Variants in GPC5 observed in about 807,000 individuals in gnomAD.
GPC5 encodes glypican-5.
A neutral mutation model predicts 53.9 loss-of-function variants in GPC5; 47 were observed. That is an observed-to-expected ratio of 0.87 (90% CI 0.69 to 1.11). The LOEUF (loss-of-function observed/expected upper bound fraction) is 1.11. Among genes scored for constraint, GPC5 ranks in the 50% most tolerant of loss-of-function variants. The probability of loss-of-function intolerance (pLI) is 0.00; values close to 1 mark genes in which losing one functional copy is unlikely to be tolerated. For missense variants in GPC5, 748 were observed against 713.1 expected (o/e 1.05, Z -0.56); for synonymous variants, 286 against 263.3 (o/e 1.09, Z -0.84).
chr13:91,685,621 C>T (rs2035605217), intron 2 of GPC5, among the ~76,000 whole-genome samples: 1 of 152,108 alleles, frequency 6.6e-6, no homozygotes, highest in Non-Finnish European at 1.5e-5. Context: ...TTATCTTTTA[C>T]TCTGTAGATT....
chr13:91,428,744 T>G, intron 1 of GPC5, among the ~76,000 whole-genome samples: 1 of 152,094 alleles, frequency 6.6e-6, no homozygotes, highest in East Asian at 1.9e-4. Context: ...TTTTTTTTTT[T>G]GTTAATGTGA....
chr13:92,157,025 C>A (rs1484004979), intron 7 of GPC5, among the ~76,000 whole-genome samples: 1 of 152,042 alleles, frequency 6.6e-6, no homozygotes, highest in Non-Finnish European at 1.5e-5. Context: ...TACAAGCAAG[C>A]CTCTCTGTGC....
intron 2 of GPC5, among the ~76,000 whole-genome samples, chr13:91,652,972 T>C (rs1224111154): frequency 6.6e-6 from 1 of 152,216 alleles, no homozygotes; most frequent in East Asian, 1.9e-4. Context: ...GACGTGCTGA[T>C]CAACGTATAA....
At chr13:91,800,946 T>G (rs1227670852) in intron 5 of GPC5, among the ~76,000 whole-genome samples, 1 of 152,184 alleles carries the variant, frequency 6.6e-6, no homozygotes, top group African/African-American at 2.4e-5. Flanking sequence ...TTTGTTTCTT[T>G]TAATATTTTA....
intron 6 of GPC5, among the ~76,000 whole-genome samples, chr13:92,117,117 T>G (rs958753199): frequency 5.9e-5 from 9 of 152,278 alleles, no homozygotes; most frequent in Admixed American, 3.9e-4. Flanking sequence ...GGTCACAAAC[T>G]TTCTTTCCTG....
chr13:91,892,147 T>A (rs538197381), intron 5 of GPC5, among the ~76,000 whole-genome samples: 9 of 152,090 alleles, frequency 5.9e-5, no homozygotes, highest in Admixed American at 5.9e-4. Context: ...ACAAAAAATA[T>A]GACTGGTGAC....
At chr13:91,609,067 G>C (rs2033466086) in intron 2 of GPC5, among the ~76,000 whole-genome samples, 1 of 147,982 alleles carries the variant, frequency 6.8e-6, no homozygotes, top group South Asian at 2.2e-4. Flanking sequence ...GTTGGTGATA[G>C]TGTCCTTGTC....
chr13:91,934,088 G>A (rs944819426), intron 6 of GPC5, among the ~76,000 whole-genome samples: 3 of 151,680 alleles, frequency 2.0e-5, no homozygotes, highest in Admixed American at 6.6e-5. Flanking sequence ...AAGTTATTAA[G>A]GAATTTATTT....
At chr13:91,815,017 A>G (rs1053525876) in intron 5 of GPC5, among the ~76,000 whole-genome samples, 2 of 152,118 alleles carry the variant, frequency 1.3e-5, no homozygotes, top group African/African-American at 4.8e-5. Flanking sequence ...TTTCAGTGCT[A>G]ATTTTATGAG....
chr13:91,652,162 C>A (rs1263071376), intron 2 of GPC5, among the ~76,000 whole-genome samples: 1 of 152,202 alleles, frequency 6.6e-6, no homozygotes, highest in Non-Finnish European at 1.5e-5. Context: ...TCAATAAGAG[C>A]ATGTTTCCAT....
At chr13:92,193,187 TA>T (rs2042235444) in intron 7 of GPC5, among the ~76,000 whole-genome samples, 1 of 151,664 alleles carries the variant, frequency 6.6e-6, no homozygotes, top group Non-Finnish European at 1.5e-5. Context: ...AAAAAAATAA[TA>T]AAAAATATAT....
intron 7 of GPC5, among the ~76,000 whole-genome samples, chr13:92,160,261 G>A (rs6492586): frequency 1.3e-5 from 2 of 151,860 alleles, no homozygotes; most frequent in African/African-American, 2.4e-5. Context: ...TACCAATTCC[G>A]ATATTAAATT....
At chr13:91,509,283 A>G (rs1885108105) in intron 2 of GPC5, among the ~76,000 whole-genome samples, 1 of 113,126 alleles carries the variant, frequency 8.8e-6, no homozygotes, top group Admixed American at 1.1e-4. Flanking sequence ...TCAAACTACT[A>G]CATAACTGTT....
intron 7 of GPC5, among the ~76,000 whole-genome samples, chr13:92,469,956 G>T (rs1878846192): frequency 6.6e-6 from 1 of 152,026 alleles, no homozygotes; most frequent in Non-Finnish European, 1.5e-5. Flanking sequence ...TATGAAAATG[G>T]TATTAATAGT....
intron 4 of GPC5, among the ~76,000 whole-genome samples, chr13:91,735,397 C>G (rs943955674): frequency 2.0e-5 from 3 of 151,050 alleles, no homozygotes; most frequent in Non-Finnish European, 2.9e-5. Context: ...TGTAATTATA[C>G]TGGCCTATCG....
intron 5 of GPC5, among the ~76,000 whole-genome samples, chr13:91,772,036 G>A (rs2037634361): frequency 6.6e-6 from 1 of 152,116 alleles, no homozygotes; most frequent in African/African-American, 2.4e-5. Context: ...GACTGACTAG[G>A]ACTAACCGAA....
chr13:92,015,784 T>C (rs2040701313), intron 6 of GPC5, among the ~76,000 whole-genome samples: 1 of 152,222 alleles, frequency 6.6e-6, no homozygotes, highest in African/African-American at 2.4e-5. Flanking sequence ...CAGTTATGTA[T>C]ATATAGCAAT....
Position 91,398,938 on chromosome 13 carries a change from C to T in GPC5, c.-109C>T, listed in dbSNP as rs1876684699. ...CGGTCCGTACACCCCGCAGCCGGCT[C>T]GCACCGCTCGAGAGCCTCGGCCGCT... On this transcript the variant is annotated 5_prime_UTR_variant, in exon 1 of 8. Coordinates refer to ENST00000377067, the MANE Select transcript of GPC5 (RefSeq NM_004466.6). 1.4e-6 allele frequency: 2 copies of T among 1,400,108 alleles called. No individual in the cohort carries two copies. The highest frequency in any genetic ancestry group is 1.9e-6 in the Non-Finnish European group (2 of 1,056,046). The allele number at this position is 1,400,108 out of a possible 1,614,324, so 86.7% of individuals were successfully genotyped here. A position where few individuals can be genotyped will look rare whatever the true frequency, so the allele number is the denominator to read the frequency against.
At chr13:91,863,707 A>G (rs183544636) in intron 5 of GPC5, among the ~76,000 whole-genome samples, 1 of 152,328 alleles carries the variant, frequency 6.6e-6, no homozygotes, top group East Asian at 1.9e-4. Flanking sequence ...GTCTGAGGCT[A>G]ACCATTCCTT....
Sources: gnomAD v4.1 joint callset for allele counts (sites outside exome capture counted in the v4.1 genomes callset) on GRCh38, gnomAD v4.1.1 for gene constraint, MANE v1.5 for transcripts, NCBI Gene and HGNC (gene_info 2026-07-23, HGNC 2026-07-21) for gene names.